The following DOLPP1 variants were observed in gnomAD, a reference collection of about 807,000 sequenced individuals.
DOLPP1 encodes dolichyldiphosphatase 1.
Under a neutral mutation model 34.1 loss-of-function variants are expected in DOLPP1, and 15 were observed. The observed-to-expected ratio is 0.44, with a 90% CI of 0.29 to 0.68. DOLPP1 has a LOEUF of 0.68. Ranked by LOEUF, DOLPP1 falls within the 30% of genes least tolerant of loss-of-function variation. DOLPP1 has a pLI of 0.12. For synonymous variants in DOLPP1, 130 were observed against 128.2 expected (o/e 1.01, Z -0.10); for missense variants, 249 against 307.1 (o/e 0.81, Z 1.41).
Position 129,085,476 on chromosome 9 carries a change from TG to T in DOLPP1, c.363-39del. 1.3e-6 allele frequency: 2 copies of T among 1,596,686 alleles called. No individual in the cohort carries two copies. The highest frequency in any genetic ancestry group is 1.7e-6 in the Non-Finnish European group (2 of 1,166,076). ...CAGGGACTGTTTGGGAGGCCTGGGC[TG>T]GGCTGTGGGCTGAGGTCATCTGGTG... On this transcript the variant is annotated intron_variant, in intron 4 of 7. Coordinates refer to ENST00000372546, the MANE Select transcript of DOLPP1 (RefSeq NM_020438.5). The surrounding 1 kb of genome is among the most constrained non-coding windows in gnomAD (Gnocchi z 7.0).
chr9:129,086,301 C>T (rs1846987761), intron 6 of DOLPP1, 34 bp downstream of exon 6: 4 of 1,610,328 alleles, frequency 2.5e-6, no homozygotes, highest in Non-Finnish European at 3.4e-6. Flanking sequence ...GCACTGTGGG[C>T]CCTGTCCCCT....
At position 129,089,576 on chromosome 9, in the gene DOLPP1, C is replaced by A. The variant is rs1847058075; in HGVS notation, c.*569C>A. 1 of 155,978 alleles carries A rather than the reference C, an allele frequency of 6.4e-6. No homozygotes were observed. Among genetic ancestry groups the A allele is most frequent in the South Asian group, 2.0e-4 (1 of 5,076 alleles). The allele number at this position is 155,978 out of a possible 1,614,324, so 9.7% of individuals were successfully genotyped here. On this transcript the variant is annotated 3_prime_UTR_variant, in exon 8 of 8. Transcript: ENST00000372546. This position sits in a 1 kb window ranked among gnomAD's most constrained non-coding sequence, Gnocchi z 4.9. ...AGCATACCCCACACCCTCCCTGCCA[C>A]CGTTGCCGTTCCAGAACCTCGGTCA...
chr9:129,089,018 T>C lies in DOLPP1; in HGVS notation c.*11T>C, dbSNP rs573377145. ...ACGAAACTGCAGTGACCAGTGGGTG[T>C]GGCTGGGTCCAGCCTCCAGATCTGG... On this transcript the variant is annotated 3_prime_UTR_variant, in exon 8 of 8. Coordinates refer to ENST00000372546, the MANE Select transcript of DOLPP1 (RefSeq NM_020438.5). The surrounding 1 kb of genome is among the most constrained non-coding windows in gnomAD (Gnocchi z 4.9). The C allele has an allele frequency of 1.2e-6, 2 of 1,613,826 alleles. No individual in the cohort carries two copies. Among genetic ancestry groups the C allele is most frequent in the African/African-American group, 2.7e-5 (2 of 75,042 alleles).
chr9:129,090,395 A>C lies in DOLPP1; in HGVS notation c.*1388A>C, dbSNP rs1847075243. 2 of 152,650 alleles carry C rather than the reference A, an allele frequency of 1.3e-5. No individual in the cohort carries two copies. The highest frequency in any genetic ancestry group is 4.1e-4 in the South Asian group (2 of 4,828). 9.5% of individuals were successfully genotyped at this position (152,650 alleles called of 1,614,324 possible). A position where few individuals can be genotyped will look rare whatever the true frequency, so the allele number is the denominator to read the frequency against. On this transcript the variant is annotated 3_prime_UTR_variant, in exon 8 of 8. Coordinates refer to ENST00000372546, the MANE Select transcript of DOLPP1 (RefSeq NM_020438.5). The stretch of plus-strand genomic sequence containing the variant: ...TGGTTTGATTTAAGAAAAATCAATG[A>C]AATTGTTTACTACTGTTTTAAAATA...
In DOLPP1 at chr9:129,090,104, ACT is replaced by A. The variant is rs1332153748; in HGVS notation, c.*1101_*1102del. On this transcript the variant is annotated 3_prime_UTR_variant, in exon 8 of 8. Coordinates refer to ENST00000372546, the MANE Select transcript of DOLPP1 (RefSeq NM_020438.5). ...AGTTGTGGAGAGGAGACGCCTCCAG[ACT>A]CTCAGAAGTTTTGAGGACTGAACTG... 1.3e-5 allele frequency: 2 copies of A among 152,306 alleles called. No individual in the cohort carries two copies. Among genetic ancestry groups the A allele is most frequent in the Admixed American group, 6.5e-5 (1 of 15,268 alleles). 9.4% of individuals were successfully genotyped at this position (152,306 alleles called of 1,614,324 possible).
At chr9:129,087,346 C>T (rs1847009826) in intron 7 of DOLPP1, among the ~76,000 whole-genome samples, 2 of 141,072 alleles carry the variant, frequency 1.4e-5, no homozygotes, top group African/African-American at 5.2e-5. Flanking sequence ...GACGGAGTCT[C>T]GCTCTGTCGC....
chr9:129,086,127 G>A lies in DOLPP1; in HGVS notation c.462-12G>A. The A allele has an allele frequency of 6.2e-7, 1 of 1,612,322 alleles. No individual in the cohort carries two copies. The highest frequency in any genetic ancestry group is 8.5e-7 in the Non-Finnish European group (1 of 1,179,446). On this transcript the variant is annotated splice_polypyrimidine_tract_variant and intron_variant, in intron 5 of 7. Transcript: ENST00000372546. ...CTGGCTCTCACATACTTCGCTTCTG[G>A]CCTTGGCCCAGGGTCTACCTGCTGT...
At chr9:129,086,293 A>C in intron 6 of DOLPP1, 26 bp downstream of exon 6, 2 of 1,611,646 alleles carry the variant, frequency 1.2e-6, no homozygotes, top group Non-Finnish European at 1.7e-6. Context: ...CTTCCTGGGC[A>C]CTGTGGGCCC....
chr9:129,084,265 G>A (rs1032465384), intron 1 of DOLPP1, among the ~76,000 whole-genome samples: 3 of 152,204 alleles, frequency 2.0e-5, no homozygotes, highest in Admixed American at 6.5e-5. Flanking sequence ...TCACCAGGCC[G>A]GGTTCACCTT....
intron 1 of DOLPP1, 136 bp from the exon 2 acceptor site, chr9:129,084,532 T>A (rs1465963326): frequency 2.8e-5 from 21 of 740,280 alleles, no homozygotes; most frequent in Non-Finnish European, 5.2e-5. Flanking sequence ...GGTAAACAGG[T>A]GTCCCTGGCT....
chr9:129,084,459 C>T (rs942114996), intron 1 of DOLPP1: 1 of 653,538 alleles, frequency 1.5e-6, no homozygotes, highest in African/African-American at 1.8e-5. Context: ...ATGCTGTGTG[C>T]ACTTTAGTGC....
chr9:129,081,271 C>T (rs1036059249), intron 1 of DOLPP1, 64 bp downstream of exon 1: 161 of 1,584,420 alleles, frequency 1.0e-4, no homozygotes, highest in Non-Finnish European at 1.4e-4. Context: ...CCGGGCGCTC[C>T]GGCCTGCTCG....
intron 1 of DOLPP1, among the ~76,000 whole-genome samples, chr9:129,083,707 C>CA (rs1272615328): frequency 3.9e-5 from 6 of 152,168 alleles, no homozygotes; most frequent in African/African-American, 1.4e-4. Flanking sequence ...CTGGGTGTCT[C>CA]ACAGGTCCCA....
intron 1 of DOLPP1, among the ~76,000 whole-genome samples, chr9:129,083,007 C>T (rs1208564512): frequency 2.6e-5 from 4 of 152,148 alleles, no homozygotes; most frequent in Admixed American, 6.5e-5. Context: ...ACCCAGAGAG[C>T]GTCCCAGGTG....
rs1396501862 is a variant in DOLPP1 at position 129,085,922 on chromosome 9, T to C, written c.462-217T>C. 5.3e-5 allele frequency among the ~76,000 whole-genome samples: 8 copies of C among 152,356 alleles called. No homozygotes were observed. The highest frequency in any genetic ancestry group is 1.4e-4 in the African/African-American group (6 of 41,586). ...AGATGGGAGGCAGGCAGATCCCAGC[T>C]GGCCCTTCACTGCTACAGATGGGAG... On this transcript the variant is annotated intron_variant, in intron 5 of 7. Coordinates refer to ENST00000372546, the MANE Select transcript of DOLPP1 (RefSeq NM_020438.5). This position sits in a 1 kb window ranked among gnomAD's most constrained non-coding sequence, Gnocchi z 7.0.
At chr9:129,088,715 C>T (rs1564150554) in intron 7 of DOLPP1, among the ~76,000 whole-genome samples, 1 of 152,322 alleles carries the variant, frequency 6.6e-6, no homozygotes, top group South Asian at 2.1e-4. Context: ...CTGGTCCCTA[C>T]CCCTGCTCCA....
rs371479055 is a variant in DOLPP1, at chr9:129,084,651, G to A, written c.77-17G>A. 1 of 1,552,398 alleles carries A rather than the reference G, an allele frequency of 6.4e-7. No homozygotes were observed. Among genetic ancestry groups the A allele is most frequent in the South Asian group, 1.1e-5 (1 of 89,934 alleles). On this transcript the variant is annotated splice_polypyrimidine_tract_variant and intron_variant, in intron 1 of 7. Transcript: ENST00000372546. ...GCCTGTGCCCTGTCCTCCTGATTCT[G>A]TTCTCTGTCTTGCCAGGTGATCTCT...
chr9:129,084,360 G>A (rs1846943983), intron 1 of DOLPP1, among the ~76,000 whole-genome samples: 1 of 152,258 alleles, frequency 6.6e-6, no homozygotes, highest in South Asian at 2.1e-4. Context: ...CCTTCTGGCT[G>A]TGTGACCTTG....
rs1349963883 is a variant in DOLPP1 at position 129,089,140 on chromosome 9, TATTTTA to T, written c.*142_*147del. 2 of 860,300 alleles carry T rather than the reference TATTTTA, an allele frequency of 2.3e-6. No homozygotes were observed. Among genetic ancestry groups the T allele is most frequent in the Admixed American group, 2.5e-5 (1 of 40,232 alleles). The allele number at this position is 860,300 out of a possible 1,614,324, so 53.3% of individuals were successfully genotyped here. On this transcript the variant is annotated 3_prime_UTR_variant, in exon 8 of 8. Coordinates refer to ENST00000372546, the MANE Select transcript of DOLPP1 (RefSeq NM_020438.5). The surrounding 1 kb of genome is among the most constrained non-coding windows in gnomAD (Gnocchi z 4.9). ...CACCAAGTGGAGCCTTTTTTTTTCT[TATTTTA>T]ATTTTAATGAACAAGGTGGACCAAA...
Sources: allele counts gnomAD v4.1 joint callset (sites outside exome capture counted in the v4.1 genomes callset), GRCh38; gene constraint gnomAD v4.1.1; non-coding constraint Gnocchi (gnomAD v3.1); transcripts MANE v1.5; gene names NCBI Gene and HGNC (gene_info 2026-07-23, HGNC 2026-07-21).